Variants in TAFA2 observed in about 807,000 individuals in gnomAD.
TAFA2 encodes chemokine-like protein TAFA-2.
In TAFA2, 7 loss-of-function variants were observed where a neutral mutation model predicts 18.8. That is an observed-to-expected ratio of 0.37 (90% CI 0.21 to 0.70). The LOEUF (loss-of-function observed/expected upper bound fraction) is 0.70, where lower values mean the gene tolerates loss of function less well. Ranked by LOEUF, TAFA2 falls within the 30% of genes least tolerant of loss-of-function variation. The probability of loss-of-function intolerance (pLI) is 0.53; values close to 1 mark genes in which losing one functional copy is unlikely to be tolerated. For missense variants in TAFA2, 122 were observed against 158.1 expected (o/e 0.77, Z 1.23); for synonymous variants, 60 against 54.2 (o/e 1.11, Z -0.47).
chr12:61,833,568 A>AT (rs1366061939), intron 2 of TAFA2, among the ~76,000 whole-genome samples: 1 of 151,980 alleles, frequency 6.6e-6, no homozygotes, highest in Admixed American at 6.6e-5. Context: ...ATAATATATA[A>AT]TTTATTTAAG....
At chr12:61,719,008 T>C (rs1869779713) in intron 4 of TAFA2, among the ~76,000 whole-genome samples, 3 of 152,164 alleles carry the variant, frequency 2.0e-5, no homozygotes, top group African/African-American at 2.4e-5. Flanking sequence ...CAAACACAAA[T>C]GGCTCTTAGG....
At chr12:62,129,146 C>A (rs1351491357) in intron 1 of TAFA2, among the ~76,000 whole-genome samples, 2 of 151,924 alleles carry the variant, frequency 1.3e-5, no homozygotes, top group African/African-American at 4.8e-5. Flanking sequence ...GGACTGTATA[C>A]ACAAACTTTA....
intron 4 of TAFA2, among the ~76,000 whole-genome samples, chr12:61,748,783 G>A (rs1000972847): frequency 1.3e-5 from 2 of 152,086 alleles, no homozygotes; most frequent in Non-Finnish European, 2.9e-5. Context: ...TTTAAATGTA[G>A]CTGGAAAGGA....
Position 62,019,348 on chromosome 12 carries a change from T to C in TAFA2, c.-1-151922A>G, listed in dbSNP as rs950338046. ...GGGTATATACCCAAAGGATTATAAA[T>C]CACGCTGCTATAAAGACACATGCAC... On this transcript the variant is annotated intron_variant, in intron 1 of 4. Transcript: ENST00000416284. Among the ~76,000 whole-genome samples the C allele has an allele frequency of 8.6e-5, 13 of 151,212 alleles. 1 individual carries two copies. Among genetic ancestry groups the C allele is most frequent in the African/African-American group, 2.9e-4 (12 of 41,048 alleles).
At chr12:62,043,137 T>C (rs551632491) in intron 1 of TAFA2, among the ~76,000 whole-genome samples, 2 of 152,292 alleles carry the variant, frequency 1.3e-5, no homozygotes, top group South Asian at 2.1e-4. Flanking sequence ...TAAATCCTGC[T>C]GTATTTAAGA....
chr12:61,961,774 C>T lies in TAFA2; in HGVS notation c.-1-94348G>A, dbSNP rs575784703. ...TGGTTCTTGTGTTTGTTTGTTTGTC[C>T]GGAGGGTAACATCCTTTCCACATTT... On this transcript the variant is annotated intron_variant, in intron 1 of 4. Transcript: ENST00000416284. Among the ~76,000 whole-genome samples the T allele has an allele frequency of 8.5e-4, 129 of 151,992 alleles. No individual in the cohort carries two copies. The South Asian group carries it at 0.025, about 30-fold the overall frequency.
chr12:62,051,189 T>C (rs1882043098), intron 1 of TAFA2, among the ~76,000 whole-genome samples: 1 of 152,152 alleles, frequency 6.6e-6, no homozygotes, highest in African/African-American at 2.4e-5. Flanking sequence ...TAATTACCAC[T>C]CTCCCATTCA....
intron 1 of TAFA2, among the ~76,000 whole-genome samples, chr12:61,986,398 A>G (rs1879819784): frequency 6.6e-6 from 1 of 151,724 alleles, no homozygotes; most frequent in South Asian, 2.1e-4. Flanking sequence ...TCCTGACCTC[A>G]AGTGATCTGC....
intron 1 of TAFA2, among the ~76,000 whole-genome samples, chr12:62,182,112 G>A (rs1426075251): frequency 6.6e-6 from 1 of 151,798 alleles, no homozygotes; most frequent in Non-Finnish European, 1.5e-5. Context: ...AAATAATTTG[G>A]AGAACTAAAA....
At chr12:61,957,156 A>C (rs1433962393) in intron 1 of TAFA2, among the ~76,000 whole-genome samples, 1 of 152,170 alleles carries the variant, frequency 6.6e-6, no homozygotes, top group African/African-American at 2.4e-5. Context: ...TCAAATGGCA[A>C]TGACTAGCTT....
At chr12:61,853,792 T>C (rs773788897) in intron 2 of TAFA2, among the ~76,000 whole-genome samples, 13 of 152,154 alleles carry the variant, frequency 8.5e-5, no homozygotes, top group Non-Finnish European at 1.8e-4. Flanking sequence ...AGTTATCCTC[T>C]GAACTGGGAA....
At chr12:62,233,603 A>G (rs2062822584) in intron 1 of TAFA2, among the ~76,000 whole-genome samples, 1 of 152,190 alleles carries the variant, frequency 6.6e-6, no homozygotes, top group Non-Finnish European at 1.5e-5. Flanking sequence ...GCTGTGTGTG[A>G]GCCAGGTGGG....
At chr12:62,131,171 G>A (rs1870668218) in intron 1 of TAFA2, among the ~76,000 whole-genome samples, 1 of 151,928 alleles carries the variant, frequency 6.6e-6, no homozygotes, top group Admixed American at 6.6e-5. Flanking sequence ...GGAGTAGCTA[G>A]AAATTGAGGG....
At chr12:61,754,392 A>T (rs958118062) in intron 3 of TAFA2, among the ~76,000 whole-genome samples, 1 of 151,974 alleles carries the variant, frequency 6.6e-6, no homozygotes, top group East Asian at 1.9e-4. Context: ...CAAGGAAAAA[A>T]ATTAATATAT....
At position 61,740,421 on chromosome 12, in the gene TAFA2, G is replaced by A. The variant is rs144055382; in HGVS notation, c.384+13201C>T. Among the ~76,000 whole-genome samples the A allele has an allele frequency of 6.5e-3, 980 of 151,652 alleles. 10 individuals are homozygous for A. Among genetic ancestry groups the A allele is most frequent in the Non-Finnish European group, 8.3e-3 (562 of 67,900 alleles). ...TGGGTGCAGCAAACCACCGTGGCAC[G>A]TGTATACCTATGTACAAACCTGCAC... On this transcript the variant is annotated intron_variant, in intron 4 of 4. Coordinates refer to ENST00000416284, the MANE Select transcript of TAFA2 (RefSeq NM_178539.5).
intron 4 of TAFA2, among the ~76,000 whole-genome samples, chr12:61,737,043 TG>T (rs1868316456): frequency 6.6e-6 from 1 of 151,924 alleles, no homozygotes; most frequent in Admixed American, 6.6e-5. Context: ...CAGTTAGTAT[TG>T]TAGTCCAGGG....
At chr12:62,064,992 A>G (rs1276445268) in intron 1 of TAFA2, among the ~76,000 whole-genome samples, 2 of 152,040 alleles carry the variant, frequency 1.3e-5, no homozygotes, top group African/African-American at 4.8e-5. Flanking sequence ...TTTAACTGAC[A>G]ATATGAAGTC....
At chr12:61,945,029 T>A (rs1878207105) in intron 1 of TAFA2, among the ~76,000 whole-genome samples, 1 of 150,650 alleles carries the variant, frequency 6.6e-6, no homozygotes, top group Non-Finnish European at 1.5e-5. Flanking sequence ...CCAATATCCT[T>A]GATGAACACT....
intron 1 of TAFA2, among the ~76,000 whole-genome samples, chr12:62,226,864 C>G (rs899236865): frequency 6.6e-6 from 1 of 152,206 alleles, no homozygotes; most frequent in Non-Finnish European, 1.5e-5. Context: ...AACCCTGCTA[C>G]TGCTGCTTTA....
Sources: allele counts gnomAD v4.1 joint callset (sites outside exome capture counted in the v4.1 genomes callset), GRCh38; gene constraint gnomAD v4.1.1; transcripts MANE v1.5; gene names NCBI Gene and HGNC (gene_info 2026-07-23, HGNC 2026-07-21).